Variants in EHBP1 observed in about 807,000 individuals in gnomAD.
EHBP1 encodes EH domain binding protein 1.
A neutral mutation model predicts 144.0 loss-of-function variants in EHBP1; 55 were observed. That is an observed-to-expected ratio of 0.38 (90% confidence interval 0.31 to 0.48). The LOEUF (loss-of-function observed/expected upper bound fraction) is 0.48, where lower values mean the gene tolerates loss of function less well. Among genes scored for constraint, EHBP1 ranks in the 20% least tolerant of loss-of-function variants. The probability of loss-of-function intolerance (pLI) is 0.98; values close to 1 mark genes in which losing one functional copy is unlikely to be tolerated. For missense variants in EHBP1, 1,200 were observed against 1,364.2 expected (o/e 0.88, Z 1.90); for synonymous variants, 469 against 472.7 (o/e 0.99, Z 0.10).
chr2:62,787,399 C>T lies in EHBP1; in HGVS notation c.312+16007C>T, dbSNP rs952850084. Among the ~76,000 whole-genome samples the T allele has an allele frequency of 5.3e-5, 6 of 113,278 alleles. 1 individual carries two copies. Among genetic ancestry groups the T allele is most frequent in the African/African-American group, 1.9e-4 (6 of 30,786 alleles). 74.3% of individuals were successfully genotyped at this position (113,278 alleles called of 152,430 possible). On this transcript the variant is annotated intron_variant, in intron 5 of 22. Transcript: ENST00000431489. The stretch of plus-strand genomic sequence containing the variant: ...CCACCCCACACTGCACCGCTGCCCC[C>T]CCCCCCCACCCCCTTGCTCCATTAA...
At chr2:62,949,235 A>G in intron 13 of EHBP1, 73 bp downstream of exon 13, 2 of 1,284,292 alleles carry the variant, frequency 1.6e-6, no homozygotes, top group South Asian at 1.6e-5. Flanking sequence ...TTTTGCATTC[A>G]TAGATGCTAC....
chr2:62,835,754 A>G (rs1389604281), intron 7 of EHBP1, among the ~76,000 whole-genome samples: 2 of 152,114 alleles, frequency 1.3e-5, no homozygotes, highest in African/African-American at 4.8e-5. Context: ...AAATCGGGTC[A>G]CTCACACCCA....
At chr2:62,771,004 A>C (rs981386604) in intron 4 of EHBP1, among the ~76,000 whole-genome samples, 27 of 152,054 alleles carry the variant, frequency 1.8e-4, no homozygotes, top group African/African-American at 6.5e-4. Flanking sequence ...GGCCTATGGG[A>C]AGTTGAAGGG....
chr2:62,901,964 C>CAA (rs879625156), intron 10 of EHBP1, among the ~76,000 whole-genome samples: 1 of 109,092 alleles, frequency 9.2e-6, no homozygotes, highest in Non-Finnish European at 1.9e-5. Context: ...AACGCTGTCT[C>CAA]AAAAAAAAAA....
intron 3 of EHBP1, among the ~76,000 whole-genome samples, chr2:62,754,643 G>A (rs1238963371): frequency 1.3e-5 from 2 of 152,188 alleles, no homozygotes; most frequent in African/African-American, 4.8e-5. Flanking sequence ...GCTCCACCCA[G>A]TTCGAGCTTC....
chr2:62,967,941 A>G (rs1229158837), intron 14 of EHBP1, among the ~76,000 whole-genome samples: 2 of 152,110 alleles, frequency 1.3e-5, no homozygotes, highest in African/African-American at 4.8e-5. Flanking sequence ...GCACTGTGAA[A>G]CTTAGCTGCT....
At chr2:62,736,396 G>C (rs973333102) in intron 2 of EHBP1, among the ~76,000 whole-genome samples, 27 of 151,760 alleles carry the variant, frequency 1.8e-4, no homozygotes, top group Admixed American at 1.3e-4. Context: ...GCTAATTTTT[G>C]TGTTTTTAGT....
intron 14 of EHBP1, chr2:62,956,082 GAGA>G: frequency 6.5e-6 from 1 of 152,846 alleles, no homozygotes; most frequent in Non-Finnish European, 1.5e-5. Flanking sequence ...TAACTCCATG[GAGA>G]CTGAGGCCAA....
At chr2:62,845,295 G>C (rs1877027) in intron 7 of EHBP1, among the ~76,000 whole-genome samples, 13,102 of 152,114 alleles carry the variant, frequency 0.086, 731 homozygotes, top group Non-Finnish European at 0.13. Context: ...TGTCAATCAG[G>C]TTTGATTTTT....
chr2:62,678,021 A>C (rs1056825134), intron 1 of EHBP1, among the ~76,000 whole-genome samples: 1 of 152,166 alleles, frequency 6.6e-6, no homozygotes, highest in Admixed American at 6.5e-5. Context: ...CCTGGATCAT[A>C]TAGTAGCTCT....
intron 3 of EHBP1, among the ~76,000 whole-genome samples, chr2:62,759,285 G>A (rs62179281): frequency 0.017 from 2,615 of 152,278 alleles, 33 homozygotes; most frequent in Non-Finnish European, 0.027. Flanking sequence ...CTATACTAAG[G>A]AGCCAAATGG....
At chr2:62,921,548 GA>G (rs142197422) in intron 10 of EHBP1, among the ~76,000 whole-genome samples, 3,269 of 147,612 alleles carry the variant, frequency 0.022, 89 homozygotes, top group African/African-American at 0.067. Flanking sequence ...TTTCACTCTG[GA>G]AAAAAAAAAT....
intron 15 of EHBP1, among the ~76,000 whole-genome samples, 162 bp from the exon 16 acceptor site, chr2:62,990,554 A>AAT (rs958397869): frequency 1.3e-5 from 2 of 152,046 alleles, no homozygotes; most frequent in African/African-American, 4.8e-5. Context: ...TTGGTGGGGG[A>AAT]ATATATATAT....
chr2:62,763,441 A>G (rs951773451), intron 3 of EHBP1, among the ~76,000 whole-genome samples: 15 of 152,340 alleles, frequency 9.8e-5, no homozygotes, highest in African/African-American at 3.6e-4. Context: ...TCTTATGTAG[A>G]TTAAATGAGT....
chr2:63,033,756 G>A (rs966347109), intron 19 of EHBP1, among the ~76,000 whole-genome samples: 1 of 152,016 alleles, frequency 6.6e-6, no homozygotes, highest in Non-Finnish European at 1.5e-5. Flanking sequence ...TGAATGAATT[G>A]CTAAATAAAA....
chr2:62,702,710 G>C (rs2034314460), upstream of EHBP1, among the ~76,000 whole-genome samples: 2 of 152,308 alleles, frequency 1.3e-5, no homozygotes, highest in South Asian at 4.1e-4. Context: ...AGGTAGCGAT[G>C]TTTGGCACTA....
intron 2 of EHBP1, among the ~76,000 whole-genome samples, chr2:62,725,827 G>T (rs1322721455): frequency 6.6e-6 from 1 of 152,138 alleles, no homozygotes; most frequent in East Asian, 1.9e-4. Flanking sequence ...GGTGGTGTGT[G>T]GGAGCTACAG....
At chr2:62,757,558 C>T (rs1314085789) in intron 3 of EHBP1, among the ~76,000 whole-genome samples, 4 of 151,006 alleles carry the variant, frequency 2.6e-5, no homozygotes, top group Admixed American at 2.0e-4. Context: ...CTTAGTCTCC[C>T]GAGTAGCTGG....
At chr2:62,884,670 T>C (rs2051769559) in intron 10 of EHBP1, among the ~76,000 whole-genome samples, 1 of 152,206 alleles carries the variant, frequency 6.6e-6, no homozygotes, top group Admixed American at 6.5e-5. Flanking sequence ...CAGTAGATTA[T>C]CATCAGTGAT....
Sources: allele counts gnomAD v4.1 joint callset (sites outside exome capture counted in the v4.1 genomes callset), GRCh38; gene constraint gnomAD v4.1.1; transcripts MANE v1.5; gene names NCBI Gene and HGNC (gene_info 2026-07-23, HGNC 2026-07-21).